Variants in SGMS1 observed in about 807,000 individuals in gnomAD.
SGMS1 encodes sphingomyelin synthase 1, also known as phosphatidylcholine:ceramide cholinephosphotransferase 1.
SGMS1 carries 13 observed loss-of-function variants against 46.2 expected under a neutral mutation model. That is an observed-to-expected ratio of 0.28 (90% CI 0.18 to 0.45). The LOEUF (loss-of-function observed/expected upper bound fraction) is 0.45, where lower values mean the gene tolerates loss of function less well. Among genes scored for constraint, SGMS1 ranks in the 20% least tolerant of loss-of-function variants. SGMS1 has a pLI of 1.00. For synonymous variants in SGMS1, 203 were observed against 187.8 expected (o/e 1.08, Z -0.66); for missense variants, 324 against 519.9 (o/e 0.62, Z 3.66).
chr10:50,390,355 A>G (rs535661192), intron 6 of SGMS1, among the ~76,000 whole-genome samples: 2 of 152,348 alleles, frequency 1.3e-5, no homozygotes, highest in Non-Finnish European at 2.9e-5. Context: ...ATTTTCTTTT[A>G]TGCTTTACTG....
At chr10:50,397,498 A>T (rs111227699) in intron 6 of SGMS1, among the ~76,000 whole-genome samples, 96 of 152,312 alleles carry the variant, frequency 6.3e-4, no homozygotes, top group African/African-American at 2.2e-3. Context: ...CTGGCTACAC[A>T]CACAACTGAT....
At chr10:50,591,991 C>T (rs1464884738) in intron 1 of SGMS1, among the ~76,000 whole-genome samples, 1 of 152,242 alleles carries the variant, frequency 6.6e-6, no homozygotes, top group Admixed American at 6.5e-5. Flanking sequence ...GCTCTCAGGC[C>T]TATCTCCTCC....
At chr10:50,623,442 G>T in intron 1 of SGMS1, 3 of 328,724 alleles carry the variant, frequency 9.1e-6, no homozygotes, top group Non-Finnish European at 1.3e-5. Context: ...CCCCAACTTA[G>T]CCGGGGAGCC....
At chr10:50,522,892 C>A (rs573141062) in intron 2 of SGMS1, among the ~76,000 whole-genome samples, 223 of 152,298 alleles carry the variant, frequency 1.5e-3, no homozygotes, top group Non-Finnish European at 2.6e-3. Context: ...TGCAGGGCCT[C>A]ACCCCTCAAG....
intron 3 of SGMS1, among the ~76,000 whole-genome samples, chr10:50,492,165 C>A (rs1189727827): frequency 6.6e-6 from 1 of 152,160 alleles, no homozygotes; most frequent in South Asian, 2.1e-4. Flanking sequence ...AAGGAACATA[C>A]CTCAGAATAA....
At chr10:50,354,389 T>C (rs1012061257) in intron 6 of SGMS1, among the ~76,000 whole-genome samples, 4 of 152,172 alleles carry the variant, frequency 2.6e-5, no homozygotes, top group Non-Finnish European at 4.4e-5. Context: ...ACTAGCCATA[T>C]GGAGAAAGCT....
chr10:50,343,457 T>C (rs949133990), intron 7 of SGMS1, 35 bp downstream of exon 7: 12 of 1,535,834 alleles, frequency 7.8e-6, no homozygotes, highest in Non-Finnish European at 1.0e-5. Context: ...GCAAATCCCA[T>C]AATCATTGAA....
intron 2 of SGMS1, among the ~76,000 whole-genome samples, chr10:50,557,876 C>T (rs1838201561): frequency 1.3e-5 from 2 of 152,156 alleles, no homozygotes; most frequent in Admixed American, 1.3e-4. Context: ...TATTTCCCAA[C>T]TGTAGATGGA....
At chr10:50,557,858 T>C (rs928846067) in intron 2 of SGMS1, among the ~76,000 whole-genome samples, 1 of 152,028 alleles carries the variant, frequency 6.6e-6, no homozygotes, top group Non-Finnish European at 1.5e-5. Context: ...GAGAAACACA[T>C]GGGGAATTAT....
intron 7 of SGMS1, among the ~76,000 whole-genome samples, chr10:50,338,325 C>T (rs962374870): frequency 2.6e-5 from 4 of 152,166 alleles, no homozygotes; most frequent in African/African-American, 9.7e-5. Context: ...GACTAATATA[C>T]CCTGTGACAT....
intron 6 of SGMS1, among the ~76,000 whole-genome samples, chr10:50,374,993 T>C (rs1848502179): frequency 6.6e-6 from 1 of 151,946 alleles, no homozygotes; most frequent in East Asian, 1.9e-4. Flanking sequence ...TAATCTAGGA[T>C]TGAGGATGGG....
At chr10:50,391,634 A>T (rs533302698) in intron 6 of SGMS1, among the ~76,000 whole-genome samples, 1 of 152,214 alleles carries the variant, frequency 6.6e-6, no homozygotes, top group South Asian at 2.1e-4. Flanking sequence ...CGTAAAACAG[A>T]ATTACCATTA....
intron 6 of SGMS1, among the ~76,000 whole-genome samples, chr10:50,427,112 C>T (rs1849335994): frequency 6.6e-6 from 1 of 152,128 alleles, no homozygotes; most frequent in South Asian, 2.1e-4. Context: ...AATCAAAGAA[C>T]TTACGGCCGG....
intron 5 of SGMS1, among the ~76,000 whole-genome samples, chr10:50,442,065 A>G (rs1430964699): frequency 1.3e-5 from 2 of 152,082 alleles, no homozygotes; most frequent in Non-Finnish European, 2.9e-5. Context: ...TATTTTTTTA[A>G]TTATACTTTA....
chr10:50,487,719 C>T (rs939342318), intron 3 of SGMS1, among the ~76,000 whole-genome samples: 3 of 151,882 alleles, frequency 2.0e-5, no homozygotes, highest in Non-Finnish European at 4.4e-5. Context: ...AATATTCTTC[C>T]ACATTTATGT....
chr10:50,382,462 A>T (rs1461042788), intron 6 of SGMS1, among the ~76,000 whole-genome samples: 1 of 152,098 alleles, frequency 6.6e-6, no homozygotes, highest in Non-Finnish European at 1.5e-5. Flanking sequence ...CTCACAGGCA[A>T]ATATTTCTTA....
intron 1 of SGMS1, among the ~76,000 whole-genome samples, chr10:50,596,809 C>G (rs1172418000): frequency 1.3e-5 from 2 of 152,132 alleles, no homozygotes; most frequent in Non-Finnish European, 2.9e-5. Context: ...ACTCAACAAC[C>G]CTGAGAGAAC....
chr10:50,378,868 G>A (rs1848559890), intron 6 of SGMS1, among the ~76,000 whole-genome samples: 1 of 152,096 alleles, frequency 6.6e-6, no homozygotes, highest in African/African-American at 2.4e-5. Context: ...TGAGCTTGGG[G>A]TTACTACATT....
chr10:50,546,278 C>T (rs1028772598), intron 2 of SGMS1, among the ~76,000 whole-genome samples: 1 of 152,120 alleles, frequency 6.6e-6, no homozygotes, highest in Admixed American at 6.5e-5. Flanking sequence ...AGTAAAACCA[C>T]AAGATGGAGT....
Sources: gnomAD v4.1 joint callset for allele counts (sites outside exome capture counted in the v4.1 genomes callset) on GRCh38, gnomAD v4.1.1 for gene constraint, MANE v1.5 for transcripts, NCBI Gene and HGNC (gene_info 2026-07-23, HGNC 2026-07-21) for gene names.